CLPTM1: variants seen among roughly 807,000 people sequenced by gnomAD.
CLPTM1 encodes putative lipid scramblase CLPTM1.
A neutral mutation model predicts 77.3 loss-of-function variants in CLPTM1; 21 were observed. The observed-to-expected ratio is 0.27, with a 90% CI of 0.19 to 0.39. The LOEUF is 0.39. Ranked by LOEUF, CLPTM1 falls within the 10% of genes least tolerant of loss-of-function variation. CLPTM1 has a pLI of 1.00. For missense variants in CLPTM1, 642 were observed against 921.2 expected (o/e 0.70, Z 3.92); for synonymous variants, 373 against 381.0 (o/e 0.98, Z 0.24).
upstream of CLPTM1, chr19:44,955,222 C>G (rs1970439850): frequency 6.6e-7 from 1 of 1,516,968 alleles, no homozygotes; most frequent in African/African-American, 1.4e-5. Flanking sequence ...AGTACGGTGG[C>G]CAGGTTGGTC....
intron 2 of CLPTM1, 31 bp downstream of exon 2, chr19:44,962,106 GA>G (rs35566032): frequency 0.41 from 530,341 of 1,290,486 alleles, 113,516 homozygotes; most frequent in Admixed American, 0.57. Context: ...TTTGTTCACC[GA>G]AAACATTCAA....
rs150990043 is a variant in CLPTM1, at chr19:44,969,975, C to T, written c.186-3112C>T. ...TATAGGTGTAAGCCACCACGCCCAG[C>T]CTCGTTTTGGTTTTGGTATCTGTTG... On this transcript the variant is annotated intron_variant, in intron 2 of 13. Coordinates refer to ENST00000337392, the MANE Select transcript of CLPTM1 (RefSeq NM_001294.4). Among the ~76,000 whole-genome samples, 787 of 147,756 alleles carry T rather than the reference C, an allele frequency of 5.3e-3. 137 individuals carry two copies. The highest frequency in any genetic ancestry group is 0.02 in the African/African-American group (745 of 37,938).
At position 44,961,989 on chromosome 19, in the gene CLPTM1, G is replaced by A. The variant is rs766821117; in HGVS notation, c.99G>A (p.Arg33=). 6 of 1,608,384 alleles carry A rather than the reference G, an allele frequency of 3.7e-6. No homozygotes were observed. In the South Asian group the frequency reaches 5.5e-5, roughly 15 times the overall value. The part of the protein sequence containing the change: ...GQVTSNGSIG[R]DPPAETQPQN... ...TGACCAGCAATGGCAGCATCGGGAG[G>A]GACCCGCCAGCGGAGACCCAGCCTC... The change falls in exon 2 of 14, where the codon AGG becomes AGA. Residue 33 remains arginine (R), a synonymous_variant. Coordinates refer to ENST00000337392, the MANE Select transcript of CLPTM1 (RefSeq NM_001294.4).
chr19:44,984,769 C>A (rs1488635313), intron 5 of CLPTM1, among the ~76,000 whole-genome samples: 1 of 152,204 alleles, frequency 6.6e-6, no homozygotes, highest in African/African-American at 2.4e-5. Flanking sequence ...TTCCTGTAAC[C>A]TCCACCTCCC....
intron 2 of CLPTM1, among the ~76,000 whole-genome samples, chr19:44,964,283 T>C (rs1046615516): frequency 1.3e-5 from 2 of 150,628 alleles, no homozygotes; most frequent in African/African-American, 2.4e-5. Flanking sequence ...TTTTAACCTA[T>C]GTTTTCATTT....
In CLPTM1 at chr19:44,990,319, A is replaced by AG. The variant is rs1971049063; in HGVS notation, c.1133-71dup. 1 of 1,490,552 alleles carries AG rather than the reference A, an allele frequency of 6.7e-7. No individual in the cohort carries two copies. The highest frequency in any genetic ancestry group is 9.2e-7 in the Non-Finnish European group (1 of 1,086,226). 92.3% of individuals were successfully genotyped at this position (1,490,552 alleles called of 1,614,324 possible). A position where few individuals can be genotyped will look rare whatever the true frequency, so the allele number is the denominator to read the frequency against. Reference sequence around the variant, plus strand: ...CCCCAGGGTGTGAGGATGCAGGCCAAGGGGGCCTGAGGGAGCTGCAGTAGG... The same window carrying AG: ...CCCCAGGGTGTGAGGATGCAGGCCAAGGGGGGCCTGAGGGAGCTGCAGTAGG... On this transcript the variant is annotated intron_variant, in intron 9 of 13. Transcript: ENST00000337392. The surrounding 1 kb of genome is among the most constrained non-coding windows in gnomAD (Gnocchi z 4.8).
chr19:44,955,515 G>A, intron 1 of CLPTM1, 48 bp downstream of exon 1: 1 of 1,259,738 alleles, frequency 7.9e-7, no homozygotes, highest in Non-Finnish European at 1.0e-6. Flanking sequence ...CAGCCGGGGG[G>A]CCTCCCACGG....
intron 2 of CLPTM1, among the ~76,000 whole-genome samples, chr19:44,971,217 C>T (rs573438413): frequency 1.4e-3 from 209 of 152,212 alleles, no homozygotes; most frequent in African/African-American, 4.5e-3. Context: ...TTCTTCAGAG[C>T]TGTCTATTTA....
chr19:44,962,190 CT>C, intron 2 of CLPTM1, 115 bp downstream of exon 2: 8 of 463,204 alleles, frequency 1.7e-5, no homozygotes, highest in Non-Finnish European at 3.7e-6. Flanking sequence ...GGTAGAGTTG[CT>C]TTTTTTCTTT....
chr19:44,990,766 C>G lies in CLPTM1; in HGVS notation c.1324-84C>G. 1 of 1,319,882 alleles carries G rather than the reference C, an allele frequency of 7.6e-7. No homozygotes were observed. 81.8% of individuals were successfully genotyped at this position (1,319,882 alleles called of 1,614,324 possible). A position where few individuals can be genotyped will look rare whatever the true frequency, so the allele number is the denominator to read the frequency against. On this transcript the variant is annotated intron_variant, in intron 10 of 13. Coordinates refer to ENST00000337392, the MANE Select transcript of CLPTM1 (RefSeq NM_001294.4). The surrounding 1 kb of genome is among the most constrained non-coding windows in gnomAD (Gnocchi z 4.8). ...ACACATGGGGCAGGGGAACTGGGAA[C>G]GGTGGGGAAGGGCAGGGGCTGGTTC...
chr19:44,980,508 CAAA>C (rs74516090), intron 5 of CLPTM1, among the ~76,000 whole-genome samples: 6 of 93,064 alleles, frequency 6.4e-5, no homozygotes, highest in Non-Finnish European at 8.6e-5. Context: ...GACTCCATCT[CAAA>C]AAAAAAAAAA....
At chr19:44,955,218 G>C (rs1178389685), upstream of CLPTM1, 2 of 1,524,162 alleles carry the variant, frequency 1.3e-6, no homozygotes, top group Non-Finnish European at 1.8e-6. Flanking sequence ...GACGAGTACG[G>C]TGGCCAGGTT....
At position 44,990,665 on chromosome 19, in the gene CLPTM1, G is replaced by A; in HGVS notation, c.1323+80G>A. The stretch of plus-strand genomic sequence containing the variant: ...TGTGGCCCAGCTGGACCCTGGAGCT[G>A]GCCCCCGGGGGATTCCCAGCAAGTG... On this transcript the variant is annotated intron_variant, in intron 10 of 13. Coordinates refer to ENST00000337392, the MANE Select transcript of CLPTM1 (RefSeq NM_001294.4). The surrounding 1 kb of genome is among the most constrained non-coding windows in gnomAD (Gnocchi z 4.8). 1 of 1,497,662 alleles carries A rather than the reference G, an allele frequency of 6.7e-7. No individual in the cohort carries two copies. Among genetic ancestry groups the A allele is most frequent in the Admixed American group, 1.8e-5 (1 of 56,716 alleles). The allele number at this position is 1,497,662 out of a possible 1,614,324, so 92.8% of individuals were successfully genotyped here. A position where few individuals can be genotyped will look rare whatever the true frequency, so the allele number is the denominator to read the frequency against.
chr19:44,987,726 C>T (rs1489555700), intron 8 of CLPTM1: 7 of 546,856 alleles, frequency 1.3e-5, no homozygotes, highest in Non-Finnish European at 2.3e-5. Context: ...GTGTCTCTGC[C>T]ATCTCACTGG....
At chr19:44,987,555 A>G in intron 8 of CLPTM1, 132 bp downstream of exon 8, 1 of 1,256,840 alleles carries the variant, frequency 8.0e-7, no homozygotes, top group South Asian at 1.4e-5. Flanking sequence ...ACAACCTCCC[A>G]GGTCCCTTCT....
rs1217880249 is a variant in CLPTM1, at chr19:44,991,557, G to C, written c.1555+184G>C. Among the ~76,000 whole-genome samples, 1 of 152,186 alleles carries C rather than the reference G, an allele frequency of 6.6e-6. No homozygotes were observed. The highest frequency in any genetic ancestry group is 1.5e-5 in the Non-Finnish European group (1 of 68,018). On this transcript the variant is annotated intron_variant, in intron 12 of 13. Transcript: ENST00000337392. This position sits in a 1 kb window ranked among gnomAD's most constrained non-coding sequence, Gnocchi z 5.4. Reference sequence around the variant, plus strand: ...TCAGAGAGGACTTCAGGGAGGACATGAACAGTACGCTTCAGTCCTCATTCT... The same window carrying C: ...TCAGAGAGGACTTCAGGGAGGACATCAACAGTACGCTTCAGTCCTCATTCT...
rs35634071 is a variant in CLPTM1, at chr19:44,978,981, C to CTT, written c.586+1537_586+1538dup. ...TTGTCATCTTTCTGCTTGCCTGGCT[C>CTT]TTTTTTTTTTTTTTTTTGAGACAGG... On this transcript the variant is annotated intron_variant, in intron 5 of 13. Transcript: ENST00000337392. Among the ~76,000 whole-genome samples the CTT allele has an allele frequency of 1.9e-3, 249 of 132,280 alleles. 2 individuals are homozygous for CTT. The highest frequency in any genetic ancestry group is 9.7e-3 in the South Asian group (41 of 4,210). The allele number at this position is 132,280 out of a possible 152,430, so 86.8% of individuals were successfully genotyped here. A position where few individuals can be genotyped will look rare whatever the true frequency, so the allele number is the denominator to read the frequency against.
chr19:44,955,512 G>T, intron 1 of CLPTM1, 45 bp downstream of exon 1: 1 of 1,265,138 alleles, frequency 7.9e-7, no homozygotes, highest in Non-Finnish European at 1.0e-6. Context: ...CCCCAGCCGG[G>T]GGGCCTCCCA....
chr19:44,956,634 G>C (rs938092365), intron 1 of CLPTM1, among the ~76,000 whole-genome samples: 2 of 152,168 alleles, frequency 1.3e-5, no homozygotes, highest in Admixed American at 1.3e-4. Flanking sequence ...TGAAGGCTCA[G>C]TTCCTGTCTT....
Sources: gnomAD v4.1 joint callset for allele counts (sites outside exome capture counted in the v4.1 genomes callset) on GRCh38, gnomAD v4.1.1 for gene constraint, Gnocchi (gnomAD v3.1) non-coding constraint, MANE v1.5 for transcripts, NCBI Gene and HGNC (gene_info 2026-07-23, HGNC 2026-07-21) for gene names.